The following DTWD2 variants were observed in gnomAD, a reference collection of about 807,000 sequenced individuals.
The protein encoded by DTWD2 is DTW motif tRNA-uridine aminocarboxypropyltransferase 2.
In DTWD2, 39 loss-of-function variants were observed where a neutral mutation model predicts 31.8. The ratio of observed to expected loss-of-function variants is 1.22; its 90% CI spans 0.95 to 1.60. The LOEUF (loss-of-function observed/expected upper bound fraction) is 1.60, where lower values mean the gene tolerates loss of function less well. Among genes scored for constraint, DTWD2 ranks in the 40% most tolerant of loss-of-function variants. The pLI, the probability that DTWD2 is intolerant of heterozygous loss-of-function variation, is 0.00. For missense variants in DTWD2, 515 were observed against 381.5 expected (o/e 1.35, Z -2.92); for synonymous variants, 180 against 142.8 (o/e 1.26, Z -1.86).
At chr5:118,884,406 C>CAT (rs1752809977) in intron 4 of DTWD2, among the ~76,000 whole-genome samples, 1 of 152,116 alleles carries the variant, frequency 6.6e-6, no homozygotes, top group Non-Finnish European at 1.5e-5. Flanking sequence ...TGTCTATGAA[C>CAT]CACATCAGTA....
intron 4 of DTWD2, among the ~76,000 whole-genome samples, chr5:118,894,323 T>C (rs1753036717): frequency 6.6e-6 from 1 of 152,182 alleles, no homozygotes; most frequent in South Asian, 2.1e-4. Flanking sequence ...AGCAAGATTT[T>C]TGTTGGAAAA....
chr5:118,851,063 A>G lies in DTWD2; in HGVS notation c.598-2845T>C, dbSNP rs774390613. 3.3e-5 allele frequency among the ~76,000 whole-genome samples: 5 copies of G among 152,068 alleles called. No homozygotes were observed. In the East Asian group the frequency reaches 9.6e-4, roughly 29 times the overall value. ...GGAGTTCAAGACCAGCCTGGCCAAC[A>G]TGGTGAAACCCAATCTCTACTAAAA... On this transcript the variant is annotated intron_variant, in intron 4 of 5. Transcript: ENST00000510708.
At chr5:118,854,820 T>C (rs897309213) in intron 4 of DTWD2, among the ~76,000 whole-genome samples, 1 of 152,180 alleles carries the variant, frequency 6.6e-6, no homozygotes, top group East Asian at 1.9e-4. Flanking sequence ...CTATATAAAG[T>C]TATACTTTCT....
At chr5:118,880,009 T>C (rs1215339956) in intron 4 of DTWD2, among the ~76,000 whole-genome samples, 2 of 152,182 alleles carry the variant, frequency 1.3e-5, no homozygotes, top group East Asian at 3.9e-4. Flanking sequence ...ATAGAGTGAA[T>C]ACAATACAAA....
At chr5:118,936,267 G>A (rs527590654) in intron 3 of DTWD2, among the ~76,000 whole-genome samples, 10 of 152,150 alleles carry the variant, frequency 6.6e-5, no homozygotes, top group Middle Eastern at 3.2e-3. Context: ...GCCAGGAATC[G>A]TGGCTCTCAC....
intron 1 of DTWD2, among the ~76,000 whole-genome samples, chr5:118,957,040 G>C (rs1754602650): frequency 6.6e-6 from 1 of 152,050 alleles, no homozygotes; most frequent in South Asian, 2.1e-4. Context: ...AGCTTTACAT[G>C]ATTAACATTA....
intron 1 of DTWD2, among the ~76,000 whole-genome samples, chr5:118,984,815 T>C (rs568688937): frequency 3.5e-4 from 54 of 152,194 alleles, no homozygotes; most frequent in Non-Finnish European, 6.8e-4. Flanking sequence ...CTCAAATGCA[T>C]AGCAGTAACT....
At chr5:118,972,406 G>A (rs1032905048) in intron 1 of DTWD2, among the ~76,000 whole-genome samples, 2 of 152,008 alleles carry the variant, frequency 1.3e-5, no homozygotes, top group African/African-American at 4.8e-5. Context: ...CATACACCCT[G>A]CCAAGACGAA....
intron 1 of DTWD2, among the ~76,000 whole-genome samples, chr5:118,976,389 A>G (rs1401993161): frequency 1.3e-5 from 2 of 152,228 alleles, no homozygotes; most frequent in Non-Finnish European, 2.9e-5. Context: ...AAAAAAATCT[A>G]TGACTCCAGG....
chr5:118,888,428 T>C (rs1752912366), intron 4 of DTWD2, among the ~76,000 whole-genome samples: 2 of 152,246 alleles, frequency 1.3e-5, no homozygotes, highest in South Asian at 4.1e-4. Context: ...ATAGTGTGTA[T>C]CAATAGTGCA....
intron 2 of DTWD2, among the ~76,000 whole-genome samples, chr5:118,941,950 T>C (rs1266220918): frequency 6.6e-6 from 1 of 152,246 alleles, no homozygotes; most frequent in Non-Finnish European, 1.5e-5. Flanking sequence ...CATTTTTTCA[T>C]GTGTCTGTTG....
intron 4 of DTWD2, among the ~76,000 whole-genome samples, chr5:118,861,513 G>C (rs539307369): frequency 6.6e-6 from 1 of 152,262 alleles, no homozygotes; most frequent in African/African-American, 2.4e-5. Flanking sequence ...TGCCCTATAA[G>C]ATCCTCAATC....
intron 4 of DTWD2, among the ~76,000 whole-genome samples, chr5:118,915,071 G>C (rs1256344512): frequency 1.3e-5 from 2 of 151,992 alleles, no homozygotes; most frequent in African/African-American, 4.8e-5. Flanking sequence ...ACAAAAATTA[G>C]CTGGGCGTGG....
chr5:118,867,429 T>C (rs1475128093), intron 4 of DTWD2, among the ~76,000 whole-genome samples: 5 of 152,326 alleles, frequency 3.3e-5, no homozygotes, highest in African/African-American at 4.8e-5. Flanking sequence ...ATTTACATTA[T>C]CTATCCTACA....
intron 4 of DTWD2, among the ~76,000 whole-genome samples, chr5:118,898,716 G>A (rs1218355126): frequency 2.0e-5 from 3 of 150,724 alleles, no homozygotes; most frequent in African/African-American, 7.3e-5. Flanking sequence ...AATAAAGCTT[G>A]GCATCAAAAC....
intron 4 of DTWD2, among the ~76,000 whole-genome samples, chr5:118,879,609 CA>C (rs775009585): frequency 0.043 from 1,571 of 36,188 alleles, 7 homozygotes; most frequent in East Asian, 0.14. Context: ...GACTACAGCT[CA>C]AAAAAAAAAA....
At chr5:118,950,037 C>T (rs1249771594) in intron 1 of DTWD2, among the ~76,000 whole-genome samples, 1 of 151,780 alleles carries the variant, frequency 6.6e-6, no homozygotes, top group Admixed American at 6.6e-5. Flanking sequence ...GGTGAAACCC[C>T]GTCACTATTA....
rs1751630888 is a variant in DTWD2, at chr5:118,838,621, T to A, written c.*2296A>T. The A allele has an allele frequency of 6.6e-6, 1 of 152,136 alleles. No homozygotes were observed. The highest frequency in any genetic ancestry group is 1.5e-5 in the Non-Finnish European group (1 of 68,036). 9.4% of individuals were successfully genotyped at this position (152,136 alleles called of 1,614,324 possible). The stretch of plus-strand genomic sequence containing the variant: ...CCACAGATGATTAAATGGACTCACC[T>A]TGTTAAGAGGTCAGGAAAAAATAAG... On this transcript the variant is annotated 3_prime_UTR_variant, in exon 6 of 6. Coordinates refer to ENST00000510708, the MANE Select transcript of DTWD2 (RefSeq NM_173666.4).
intron 4 of DTWD2, among the ~76,000 whole-genome samples, chr5:118,926,664 G>A (rs563737574): frequency 3.9e-5 from 6 of 152,208 alleles, no homozygotes; most frequent in South Asian, 4.1e-4. Context: ...TTATACTAGC[G>A]GAAATATTGC....
Sources: allele counts gnomAD v4.1 joint callset (sites outside exome capture counted in the v4.1 genomes callset), GRCh38; gene constraint gnomAD v4.1.1; transcripts MANE v1.5; gene names NCBI Gene and HGNC (gene_info 2026-07-23, HGNC 2026-07-21).